The following WDR7 variants were observed in gnomAD, a reference collection of about 807,000 sequenced individuals.
The protein encoded by WDR7 is WD repeat domain 7, also known as WD repeat-containing protein 7.
A neutral mutation model predicts 169.4 loss-of-function variants in WDR7; 46 were observed. The ratio of observed to expected loss-of-function variants is 0.27; its 90% CI spans 0.21 to 0.35. The LOEUF is 0.35. Ranked by LOEUF, WDR7 falls within the 10% of genes least tolerant of loss-of-function variation. WDR7 has a pLI of 1.00. For missense variants in WDR7, 1,534 were observed against 1,859.3 expected (o/e 0.83, Z 3.22); for synonymous variants, 612 against 666.8 (o/e 0.92, Z 1.27).
At chr18:56,691,137 T>G in intron 7 of WDR7, 79 bp from the exon 8 acceptor site, 1 of 1,530,748 alleles carries the variant, frequency 6.5e-7, no homozygotes, top group South Asian at 1.3e-5. Context: ...CCAGGCTTTT[T>G]TTTTAAACTT....
At chr18:56,877,251 A>G (rs182655198) in intron 20 of WDR7, among the ~76,000 whole-genome samples, 6 of 152,290 alleles carry the variant, frequency 3.9e-5, no homozygotes, top group Non-Finnish European at 5.9e-5. Flanking sequence ...TTTTAAAATT[A>G]TAATCTGCCA....
chr18:56,804,166 C>T (rs2044726132), intron 19 of WDR7, among the ~76,000 whole-genome samples: 1 of 152,170 alleles, frequency 6.6e-6, no homozygotes, highest in Non-Finnish European at 1.5e-5. Context: ...TACAATGACA[C>T]AAAGGCAGCC....
Position 56,903,763 on chromosome 18 carries a change from A to C in WDR7, c.3527-20159A>C, listed in dbSNP as rs762947891. ...GAAGTTGGATTTGGTGTTCTGTCAG[A>C]TTCAAGAAAATTACTATGGACCACA... On this transcript the variant is annotated intron_variant, in intron 21 of 27. Coordinates refer to ENST00000254442, the MANE Select transcript of WDR7 (RefSeq NM_015285.3). Among the ~76,000 whole-genome samples, 4 of 152,134 alleles carry C rather than the reference A, an allele frequency of 2.6e-5. No individual in the cohort carries two copies. In the South Asian group the frequency reaches 6.2e-4, roughly 24 times the overall value.
intron 3 of WDR7, 120 bp downstream of exon 3, chr18:56,679,558 T>A: frequency 5.1e-6 from 3 of 584,070 alleles, no homozygotes; most frequent in Non-Finnish European, 8.6e-6. Flanking sequence ...ATGCTTTGTA[T>A]TGTCTAAATC....
At chr18:56,958,583 T>C (rs528220002) in intron 25 of WDR7, among the ~76,000 whole-genome samples, 8 of 152,284 alleles carry the variant, frequency 5.3e-5, no homozygotes, top group South Asian at 4.1e-4. Flanking sequence ...TTCCCTAATA[T>C]ATAACTACAT....
At chr18:56,993,600 T>G (rs555365474) in intron 26 of WDR7, among the ~76,000 whole-genome samples, 1 of 152,312 alleles carries the variant, frequency 6.6e-6, no homozygotes, top group East Asian at 1.9e-4. Context: ...TCTCCCAGGA[T>G]AGGCCTTTTC....
At chr18:56,736,170 C>A (rs747538942) in intron 14 of WDR7, among the ~76,000 whole-genome samples, 1 of 152,068 alleles carries the variant, frequency 6.6e-6, no homozygotes, top group Non-Finnish European at 1.5e-5. Context: ...TCAGAGTTGC[C>A]TCTGAAACTC....
chr18:56,872,227 C>T (rs2045962561), intron 20 of WDR7, among the ~76,000 whole-genome samples: 1 of 151,964 alleles, frequency 6.6e-6, no homozygotes, highest in East Asian at 1.9e-4. Context: ...TATTGTAAGC[C>T]AGGATAAAAT....
At chr18:56,900,110 A>ATATATATATATAT (rs1568256012) in intron 21 of WDR7, among the ~76,000 whole-genome samples, 7 of 147,788 alleles carry the variant, frequency 4.7e-5, no homozygotes, top group African/African-American at 7.4e-5. Flanking sequence ...ATATATATAT[A>ATATATATATATAT]AAATTGTTAA....
At chr18:56,957,107 G>A (rs1045461958) in intron 25 of WDR7, among the ~76,000 whole-genome samples, 2 of 152,090 alleles carry the variant, frequency 1.3e-5, no homozygotes, top group African/African-American at 4.8e-5. Context: ...AAAAAGAATG[G>A]TTAAATAATA....
chr18:56,969,134 A>G (rs1489115560), intron 26 of WDR7, among the ~76,000 whole-genome samples: 2 of 152,182 alleles, frequency 1.3e-5, no homozygotes, highest in Non-Finnish European at 2.9e-5. Flanking sequence ...AATGTGTCAG[A>G]CAATCTCTCT....
In WDR7 at chr18:56,682,807, A is replaced by G; in HGVS notation, c.474A>G (p.Pro158=). 1.2e-6 allele frequency: 2 copies of G among 1,613,852 alleles called. No homozygotes were observed. The highest frequency in any genetic ancestry group is 1.7e-6 in the Non-Finnish European group (2 of 1,179,792). The change falls in exon 5 of 28, where the codon CCA becomes CCG. Residue 158 remains proline (P), a synonymous_variant. Coordinates refer to ENST00000254442, the MANE Select transcript of WDR7 (RefSeq NM_015285.3). The part of the protein sequence containing the change: ...VLYSLVSKIS[P]DWISSMSIIR... ...ACTCCTTAGTATCAAAGATATCACC[A>G]GACTGGATTAGCTCCATGAGTATTA...
intron 20 of WDR7, among the ~76,000 whole-genome samples, chr18:56,855,439 G>A (rs2045705148): frequency 6.6e-6 from 1 of 152,050 alleles, no homozygotes; most frequent in Non-Finnish European, 1.5e-5. Context: ...TGGCTAGGGT[G>A]TTCAGGATCT....
At chr18:56,680,096 C>G (rs187115929) in intron 3 of WDR7, among the ~76,000 whole-genome samples, 4 of 152,252 alleles carry the variant, frequency 2.6e-5, no homozygotes, top group Admixed American at 1.3e-4. Context: ...GTGGCTCACT[C>G]CTGTAATCCT....
At chr18:56,989,516 A>G (rs2047779708) in intron 26 of WDR7, among the ~76,000 whole-genome samples, 1 of 152,170 alleles carries the variant, frequency 6.6e-6, no homozygotes. Flanking sequence ...ATTTGTATGC[A>G]ATTTTCAGAA....
At chr18:56,991,198 G>A (rs1431289464) in intron 26 of WDR7, among the ~76,000 whole-genome samples, 1 of 145,118 alleles carries the variant, frequency 6.9e-6, no homozygotes, top group Non-Finnish European at 1.5e-5. Flanking sequence ...CCAGGCTGGA[G>A]TGAAGTGGCA....
chr18:56,951,065 C>T (rs2047174106), intron 25 of WDR7, among the ~76,000 whole-genome samples: 1 of 152,138 alleles, frequency 6.6e-6, no homozygotes, highest in African/African-American at 2.4e-5. Flanking sequence ...TAGAAGGCAC[C>T]TCCTCCAGAT....
chr18:56,988,880 G>A (rs1961995356), intron 26 of WDR7, among the ~76,000 whole-genome samples: 2 of 152,082 alleles, frequency 1.3e-5, no homozygotes, highest in South Asian at 4.1e-4. Context: ...TGTTAGTTTT[G>A]TAGCCTTGTT....
intron 19 of WDR7, among the ~76,000 whole-genome samples, chr18:56,796,419 C>T (rs2044586599): frequency 6.6e-6 from 1 of 152,194 alleles, no homozygotes. Flanking sequence ...TGTATATCTA[C>T]TGATTGTGTA....
Sources: gnomAD v4.1 joint callset for allele counts (sites outside exome capture counted in the v4.1 genomes callset) on GRCh38, gnomAD v4.1.1 for gene constraint, MANE v1.5 for transcripts, NCBI Gene and HGNC (gene_info 2026-07-23, HGNC 2026-07-21) for gene names.